Variants in GABBR2 observed in about 807,000 individuals in gnomAD.
The protein encoded by GABBR2 is gamma-aminobutyric acid type B receptor subunit 2, also known as G-protein coupled receptor 51.
A neutral mutation model predicts 105.6 loss-of-function variants in GABBR2; 23 were observed. The ratio of observed to expected loss-of-function variants is 0.22; its 90% confidence interval spans 0.16 to 0.31. GABBR2 has a LOEUF of 0.31. Among genes scored for constraint, GABBR2 ranks in the 10% least tolerant of loss-of-function variants. GABBR2 has a pLI of 1.00. For synonymous variants in GABBR2, 478 were observed against 499.7 expected, an observed-to-expected ratio of 0.96 and a Z score of 0.58; for missense variants, 734 against 1,245.5, an observed-to-expected ratio of 0.59 and a Z score of 6.18.
chr9:98,529,545 T>C (rs1395389177), intron 3 of GABBR2, among the ~76,000 whole-genome samples: 1 of 152,258 alleles, frequency 6.6e-6, no homozygotes, highest in East Asian at 1.9e-4. Context: ...TTATGGCCAA[T>C]TTTAAATTTT....
intron 4 of GABBR2, among the ~76,000 whole-genome samples, chr9:98,494,032 T>C (rs889541075): frequency 6.6e-6 from 1 of 152,158 alleles, no homozygotes; most frequent in African/African-American, 2.4e-5. Context: ...ATGATCAGTG[T>C]CCTAAAAAGA....
At chr9:98,410,423 G>A (rs1366886085) in intron 7 of GABBR2, among the ~76,000 whole-genome samples, 2 of 151,572 alleles carry the variant, frequency 1.3e-5, no homozygotes, top group Non-Finnish European at 2.9e-5. Flanking sequence ...ACATTTCCCA[G>A]AATCGCCTGC....
chr9:98,530,718 A>C (rs1828051534), intron 3 of GABBR2, among the ~76,000 whole-genome samples: 1 of 152,198 alleles, frequency 6.6e-6, no homozygotes, highest in Non-Finnish European at 1.5e-5. Flanking sequence ...CAGGAGTTTG[A>C]GGCTGCAGTG....
chr9:98,627,544 C>T (rs370079503), intron 1 of GABBR2, among the ~76,000 whole-genome samples: 27 of 152,362 alleles, frequency 1.8e-4, no homozygotes, highest in African/African-American at 6.3e-4. Context: ...GTCTGTTAGT[C>T]TCATTAGGAA....
At chr9:98,627,838 A>G (rs34437698) in intron 1 of GABBR2, among the ~76,000 whole-genome samples, 188 of 152,326 alleles carry the variant, frequency 1.2e-3, no homozygotes, top group Non-Finnish European at 2.4e-3. Context: ...TTGACCAAGG[A>G]AAAAACTGAT....
chr9:98,329,833 C>T (rs184523580), intron 13 of GABBR2, among the ~76,000 whole-genome samples: 2 of 151,966 alleles, frequency 1.3e-5, no homozygotes, highest in African/African-American at 4.8e-5. Context: ...CTTCCCTCCC[C>T]ATCTCTCCTC....
intron 5 of GABBR2, among the ~76,000 whole-genome samples, chr9:98,477,170 G>T (rs1195948244): frequency 2.0e-5 from 3 of 152,238 alleles, no homozygotes; most frequent in Non-Finnish European, 4.4e-5. Flanking sequence ...CTGGTATACA[G>T]GGGCTACTCA....
At chr9:98,359,976 T>G (rs1340755214) in intron 13 of GABBR2, among the ~76,000 whole-genome samples, 2 of 152,130 alleles carry the variant, frequency 1.3e-5, no homozygotes, top group Non-Finnish European at 2.9e-5. Flanking sequence ...ACTGAAGTCA[T>G]ATACTTGGCA....
chr9:98,475,131 G>A (rs749884213), intron 5 of GABBR2, among the ~76,000 whole-genome samples: 1 of 152,042 alleles, frequency 6.6e-6, no homozygotes, highest in African/African-American at 2.4e-5. Flanking sequence ...CAGGACCTTC[G>A]CTTCCCTCAT....
chr9:98,331,907 G>A (rs1182399905), intron 13 of GABBR2, among the ~76,000 whole-genome samples: 4 of 152,222 alleles, frequency 2.6e-5, no homozygotes, highest in Non-Finnish European at 5.9e-5. Flanking sequence ...ATGCCTAGAA[G>A]GGGGAAGTGA....
chr9:98,418,085 A>C (rs1194633565), intron 7 of GABBR2, among the ~76,000 whole-genome samples: 1 of 152,106 alleles, frequency 6.6e-6, no homozygotes, highest in Non-Finnish European at 1.5e-5. Context: ...GGGCCACAAA[A>C]GGGGTGTTGG....
chr9:98,326,522 C>A (rs1830927628), intron 13 of GABBR2, among the ~76,000 whole-genome samples: 1 of 152,150 alleles, frequency 6.6e-6, no homozygotes, highest in Non-Finnish European at 1.5e-5. Context: ...CTAAGTCTGG[C>A]CAATGGGCTG....
At chr9:98,468,140 C>T (rs984114645) in intron 6 of GABBR2, among the ~76,000 whole-genome samples, 1 of 152,134 alleles carries the variant, frequency 6.6e-6, no homozygotes, top group Non-Finnish European at 1.5e-5. Flanking sequence ...GTCCAAGTCC[C>T]AACGCAGGAC....
rs369642880 is a variant in GABBR2, at chr9:98,664,455, G to A, written c.321+43962C>T. On this transcript the variant is annotated intron_variant, in intron 1 of 18. Transcript: ENST00000259455. ...CAGATTAACGCAGACTCAGGTACAC[G>A]ATATGTGGCCACCAAGTTGGCAAAT... is the stretch of plus-strand genomic sequence containing the variant. 2.6e-5 allele frequency among the ~76,000 whole-genome samples: 4 copies of A among 152,290 alleles called. No homozygotes were observed. In the South Asian group the frequency reaches 8.3e-4, roughly 32 times the overall value.
intron 11 of GABBR2, among the ~76,000 whole-genome samples, chr9:98,384,811 G>A (rs1008351158): frequency 4.0e-5 from 6 of 151,668 alleles, no homozygotes; most frequent in African/African-American, 1.2e-4. Context: ...TCTTTTTTAC[G>A]TATAAACCAT....
At position 98,555,674 on chromosome 9, in the gene GABBR2, C is replaced by T. The variant is rs1311982451; in HGVS notation, c.460-13631G>A. Reference sequence around the variant, plus strand: ...TTACCTCACTGCAGAAATCATGTCTCCTCATGTCAATATGGCACCTCTGAT... The same window carrying T: ...TTACCTCACTGCAGAAATCATGTCTTCTCATGTCAATATGGCACCTCTGAT... On this transcript the variant is annotated intron_variant, in intron 2 of 18. Transcript: ENST00000259455. The T allele has an allele frequency of 2.6e-5, 4 of 152,322 alleles. No homozygotes were observed. The East Asian group carries it at 7.7e-4, about 29-fold the overall frequency. The allele number at this position is 152,322 out of a possible 1,614,324, so 9.4% of individuals were successfully genotyped here.
chr9:98,474,651 C>T (rs1373250600), intron 5 of GABBR2, among the ~76,000 whole-genome samples: 1 of 152,198 alleles, frequency 6.6e-6, no homozygotes, highest in Non-Finnish European at 1.5e-5. Context: ...CCTTGGCCTA[C>T]AGCAGGGTTA....
chr9:98,463,704 C>T (rs150899473), intron 6 of GABBR2, among the ~76,000 whole-genome samples: 3,357 of 152,222 alleles, frequency 0.022, 129 homozygotes, highest in African/African-American at 0.077. Context: ...GCCGTGATCT[C>T]GGCTCGCTGC....
At chr9:98,357,867 TA>T (rs1361408928) in intron 13 of GABBR2, among the ~76,000 whole-genome samples, 2 of 152,182 alleles carry the variant, frequency 1.3e-5, no homozygotes, top group Admixed American at 1.3e-4. Context: ...CTTCTTTTTT[TA>T]AAAAATGGTT....
Sources: gnomAD v4.1 joint callset for allele counts (sites outside exome capture counted in the v4.1 genomes callset) on GRCh38, gnomAD v4.1.1 for gene constraint, MANE v1.5 for transcripts, NCBI Gene and HGNC (gene_info 2026-07-23, HGNC 2026-07-21) for gene names.